Variants in CHD2 observed in about 807,000 individuals in gnomAD.
CHD2 encodes the protein chromodomain helicase DNA binding protein 2.
A neutral mutation model predicts 243.9 loss-of-function variants in CHD2; 28 were observed. The ratio of observed to expected loss-of-function variants is 0.11; its 90% CI spans 0.09 to 0.16. The LOEUF is 0.16. CHD2 is among the 10% of genes least tolerant of loss of function. The pLI is 1.00. For missense variants in CHD2, 1,386 were observed against 2,209.8 expected, an observed-to-expected ratio of 0.63 and a Z score of 7.47; for synonymous variants, 775 against 779.0, an observed-to-expected ratio of 0.99 and a Z score of 0.09.
At chr15:92,980,167 C>A (rs1033012312) in intron 22 of CHD2, among the ~76,000 whole-genome samples, 1 of 150,840 alleles carries the variant, frequency 6.6e-6, no homozygotes, top group African/African-American at 2.4e-5. Context: ...GCCTCAGCCT[C>A]CCGAGTAGCT....
At chr15:92,912,146 T>C (rs1475538876) in intron 2 of CHD2, among the ~76,000 whole-genome samples, 2 of 152,020 alleles carry the variant, frequency 1.3e-5, no homozygotes, top group Non-Finnish European at 2.9e-5. Context: ...GCTTCAAGTT[T>C]GTTTTTTTTT....
At chr15:92,930,935 G>A (rs185829084) in intron 5 of CHD2, among the ~76,000 whole-genome samples, 6 of 152,098 alleles carry the variant, frequency 3.9e-5, no homozygotes, top group South Asian at 2.1e-4. Context: ...GCTAGCCTTC[G>A]TTTCTGCTAT....
At chr15:92,967,201 A>C in intron 16 of CHD2, 124 bp from the exon 17 acceptor site, 1 of 640,820 alleles carries the variant, frequency 1.6e-6, no homozygotes. Flanking sequence ...TTTCCCTTCT[A>C]TTTAAGAGCT....
intron 3 of CHD2, among the ~76,000 whole-genome samples, chr15:92,925,994 CAG>C (rs1567127634): frequency 1.3e-5 from 2 of 152,144 alleles, no homozygotes; most frequent in African/African-American, 2.4e-5. Flanking sequence ...AAAGATGAGA[CAG>C]GGTCTTGCTC....
rs964034 is a variant in CHD2 at position 93,020,431 on chromosome 15, G to C, written c.5153+173G>C. ...GGTTATAGGTTTTATGTTTTGTTTT[G>C]TGGGTCATAGGGAGCACATTTCACC... On this transcript the variant is annotated intron_variant, in intron 38 of 38. Coordinates refer to ENST00000394196, the MANE Select transcript of CHD2 (RefSeq NM_001271.4). 717,392 of 830,736 alleles carry C rather than the reference G, an allele frequency of 0.86. 311,505 individuals are homozygous for C. Among genetic ancestry groups the C allele is most frequent in the East Asian group, 0.97 (36,210 of 37,448 alleles). 51.5% of individuals were successfully genotyped at this position (830,736 alleles called of 1,614,324 possible).
At chr15:92,927,420 C>A in intron 4 of CHD2, 90 bp downstream of exon 4, 1 of 940,960 alleles carries the variant, frequency 1.1e-6, no homozygotes, top group Non-Finnish European at 1.7e-6. Flanking sequence ...ATTAAAAAGA[C>A]TGAACTTCAG....
chr15:92,982,180 GA>G (rs2053988332), intron 24 of CHD2, among the ~76,000 whole-genome samples: 1 of 152,180 alleles, frequency 6.6e-6, no homozygotes, highest in Non-Finnish European at 1.5e-5. Flanking sequence ...GACTGGAAGG[GA>G]TACAGTCAAA....
intron 4 of CHD2, 25 bp from the exon 5 acceptor site, chr15:92,929,005 A>C: frequency 6.2e-7 from 1 of 1,606,258 alleles, no homozygotes; most frequent in Non-Finnish European, 8.5e-7. Flanking sequence ...GTCTGTAATC[A>C]TTTTTCCCCC....
At chr15:93,004,580 C>G in intron 33 of CHD2, 37 bp from the exon 34 acceptor site, 1 of 1,581,946 alleles carries the variant, frequency 6.3e-7, no homozygotes, top group Non-Finnish European at 8.6e-7. Flanking sequence ...TAGGATTGCA[C>G]AAATGACAAT....
intron 9 of CHD2, 124 bp downstream of exon 9, chr15:92,943,192 G>A (rs545246020): frequency 2.9e-6 from 2 of 700,102 alleles, no homozygotes; most frequent in African/African-American, 3.6e-5. Flanking sequence ...ATCTAAACAT[G>A]GAGCCATTTA....
intron 34 of CHD2, among the ~76,000 whole-genome samples, chr15:93,006,329 GT>G (rs1271387723): frequency 6.6e-6 from 1 of 152,038 alleles, no homozygotes; most frequent in Non-Finnish European, 1.5e-5. Context: ...GTTTCACCAT[GT>G]TGGTCAGGCT....
chr15:92,919,484 C>G (rs2052912565), intron 2 of CHD2, among the ~76,000 whole-genome samples: 1 of 152,054 alleles, frequency 6.6e-6, no homozygotes, highest in African/African-American at 2.4e-5. Context: ...CCTCTGCCTC[C>G]TGGGTTCAAG....
chr15:92,941,281 C>T (rs28540863), intron 7 of CHD2, among the ~76,000 whole-genome samples: 26,359 of 151,770 alleles, frequency 0.17, 3,052 homozygotes, highest in Non-Finnish European at 0.26. Context: ...TGTGAGCCTC[C>T]GCGCCTAGCC....
intron 37 of CHD2, among the ~76,000 whole-genome samples, chr15:93,016,772 A>C (rs551122599): frequency 6.7e-6 from 1 of 148,472 alleles, no homozygotes; most frequent in Non-Finnish European, 1.5e-5. Flanking sequence ...ATAGAGTGAG[A>C]CCGTCTCAAA....
chr15:92,969,773 C>T (rs575969543), intron 17 of CHD2, among the ~76,000 whole-genome samples: 73 of 152,036 alleles, frequency 4.8e-4, no homozygotes, highest in African/African-American at 1.7e-3. Context: ...GCTAATACTA[C>T]CACCAACAAT....
At chr15:92,985,990 T>C (rs2054037877) in intron 26 of CHD2, among the ~76,000 whole-genome samples, 2 of 152,188 alleles carry the variant, frequency 1.3e-5, no homozygotes, top group South Asian at 4.1e-4. Context: ...TGTATCTGTA[T>C]ATAAAAGAAA....
intron 7 of CHD2, among the ~76,000 whole-genome samples, chr15:92,941,588 A>C (rs2053383449): frequency 6.6e-6 from 1 of 152,110 alleles, no homozygotes; most frequent in Non-Finnish European, 1.5e-5. Context: ...AATCAGTATA[A>C]ATATAGAATT....
chr15:92,955,302 A>G (rs1320684266), intron 14 of CHD2, 121 bp from the exon 15 acceptor site: 6 of 571,194 alleles, frequency 1.1e-5, no homozygotes, highest in Non-Finnish European at 1.4e-5. Context: ...TGAGATATTC[A>G]TTGAATTCTA....
chr15:93,002,442 A>G, intron 33 of CHD2, 125 bp downstream of exon 33: 2 of 1,438,104 alleles, frequency 1.4e-6, no homozygotes, highest in South Asian at 1.5e-5. Flanking sequence ...TTCAAGAAGG[A>G]TGGGTGGGGC....
Sources: allele counts gnomAD v4.1 joint callset (sites outside exome capture counted in the v4.1 genomes callset), GRCh38; gene constraint gnomAD v4.1.1; transcripts MANE v1.5; gene names NCBI Gene and HGNC (gene_info 2026-07-23, HGNC 2026-07-21).